Variants in PRLR observed in about 807,000 individuals in gnomAD.
PRLR encodes prolactin receptor, also known as hPRL receptor.
Under a neutral mutation model 40.2 loss-of-function variants are expected in PRLR, and 13 were observed. That is an observed-to-expected ratio of 0.32 (90% CI 0.21 to 0.51). PRLR has a LOEUF of 0.51. Among genes scored for constraint, PRLR ranks in the 20% least tolerant of loss-of-function variants. The pLI is 0.97. For synonymous variants in PRLR, 269 were observed against 278.7 expected, an observed-to-expected ratio of 0.97 and a Z score of 0.35; for missense variants, 656 against 747.3, an observed-to-expected ratio of 0.88 and a Z score of 1.42.
intron 2 of PRLR, among the ~76,000 whole-genome samples, chr5:35,098,858 T>C (rs1041456626): frequency 2.0e-5 from 3 of 152,174 alleles, no homozygotes; most frequent in Non-Finnish European, 4.4e-5. Flanking sequence ...TGAAAGGTAT[T>C]CTAATTCAAC....
At chr5:35,136,195 G>A (rs1773853756) in intron 1 of PRLR, among the ~76,000 whole-genome samples, 1 of 152,150 alleles carries the variant, frequency 6.6e-6, no homozygotes, top group South Asian at 2.1e-4. Context: ...ACAGAATTGT[G>A]CAAGTTTGTG....
chr5:35,150,176 G>A (rs1398393126), intron 1 of PRLR, among the ~76,000 whole-genome samples: 5 of 152,218 alleles, frequency 3.3e-5, no homozygotes, highest in South Asian at 2.1e-4. Flanking sequence ...GAGCCACCAC[G>A]CCCGGCCACT....
In PRLR at chr5:35,130,529, G is replaced by T. The variant is rs138212453; in HGVS notation, c.-105-12407C>A. Among the ~76,000 whole-genome samples, 330 of 152,296 alleles carry T rather than the reference G, an allele frequency of 2.2e-3. 3 individuals are homozygous for T. The highest frequency in any genetic ancestry group is 3.4e-3 in the Non-Finnish European group (233 of 68,020). ...TCTGAAAGGGCAAGCAATGGCCACAGAACTCGAGTTGTGATCTCAATCCTT... is the reference window on the plus strand; with the variant it reads ...TCTGAAAGGGCAAGCAATGGCCACATAACTCGAGTTGTGATCTCAATCCTT... On this transcript the variant is annotated intron_variant, in intron 1 of 9. Transcript: ENST00000618457.
chr5:35,153,910 A>C (rs1319478290), intron 1 of PRLR, among the ~76,000 whole-genome samples: 3 of 152,152 alleles, frequency 2.0e-5, no homozygotes, highest in African/African-American at 7.2e-5. Context: ...AGTTTGCCTT[A>C]TTTGCAGCAA....
At chr5:35,123,611 G>A (rs1336844116) in intron 1 of PRLR, among the ~76,000 whole-genome samples, 2 of 152,174 alleles carry the variant, frequency 1.3e-5, no homozygotes, top group Non-Finnish European at 2.9e-5. Flanking sequence ...AAGGGATTTT[G>A]AGTCAGAAAA....
rs537153793 is a variant in PRLR, at chr5:35,139,619, A to C, written c.-105-21497T>G. Among the ~76,000 whole-genome samples, 199 of 152,364 alleles carry C rather than the reference A, an allele frequency of 1.3e-3. 1 individual carries two copies. The highest frequency in any genetic ancestry group is 2.5e-3 in the Non-Finnish European group (173 of 68,032). On this transcript the variant is annotated intron_variant, in intron 1 of 9. Coordinates refer to ENST00000618457, the MANE Select transcript of PRLR (RefSeq NM_000949.7). ...TGTAAGCACATACTTCAAATATTAA[A>C]AGGAACCAAACTAAAAGGTTAAAGA...
At chr5:35,226,865 G>A (rs1776566590) in intron 1 of PRLR, among the ~76,000 whole-genome samples, 1 of 152,230 alleles carries the variant, frequency 6.6e-6, no homozygotes, top group African/African-American at 2.4e-5. Flanking sequence ...CTGGGATCCT[G>A]TGTGTCTCAT....
chr5:35,070,023 G>T, intron 7 of PRLR, 101 bp downstream of exon 7: 1 of 1,352,300 alleles, frequency 7.4e-7, no homozygotes, highest in Non-Finnish European at 1.0e-6. Flanking sequence ...TATTGTTCTG[G>T]CTAAGGCTCA....
intron 1 of PRLR, among the ~76,000 whole-genome samples, chr5:35,178,843 C>A (rs1941263232): frequency 1.3e-5 from 2 of 152,034 alleles, no homozygotes; most frequent in Non-Finnish European, 2.9e-5. Flanking sequence ...ATAATCCAGT[C>A]CTGGAAATTC....
At chr5:35,170,363 C>T (rs1408877349) in intron 1 of PRLR, among the ~76,000 whole-genome samples, 4 of 152,182 alleles carry the variant, frequency 2.6e-5, no homozygotes, top group Non-Finnish European at 5.9e-5. Flanking sequence ...GCAGAGGACA[C>T]TTCTTCCTAG....
intron 2 of PRLR, among the ~76,000 whole-genome samples, chr5:35,112,462 G>A (rs1160095931): frequency 6.6e-6 from 1 of 152,134 alleles, no homozygotes; most frequent in Non-Finnish European, 1.5e-5. Context: ...AAAGCAAGAG[G>A]AACCGGAAAT....
At chr5:35,169,411 G>C (rs1223674795) in intron 1 of PRLR, among the ~76,000 whole-genome samples, 1 of 152,144 alleles carries the variant, frequency 6.6e-6, no homozygotes, top group East Asian at 1.9e-4. Flanking sequence ...TTCTAACTCT[G>C]GTTTCTGAGA....
intron 1 of PRLR, among the ~76,000 whole-genome samples, chr5:35,159,862 G>A (rs1200405708): frequency 6.6e-6 from 1 of 152,162 alleles, no homozygotes; most frequent in Non-Finnish European, 1.5e-5. Context: ...TTGTCAGAAG[G>A]AATTCTTCTC....
chr5:35,089,722 C>A (rs1043868063), intron 2 of PRLR, 59 bp from the exon 3 acceptor site: 11 of 1,019,746 alleles, frequency 1.1e-5, no homozygotes, highest in Admixed American at 3.7e-5. Flanking sequence ...GGCACATCCA[C>A]CACTTTATTC....
At chr5:35,225,704 C>T (rs549613583) in intron 1 of PRLR, among the ~76,000 whole-genome samples, 120 of 152,240 alleles carry the variant, frequency 7.9e-4, no homozygotes, top group South Asian at 3.1e-3. Context: ...TTGTTTGAGA[C>T]GGAGTCTCAC....
At chr5:35,226,267 G>T (rs1314599438) in intron 1 of PRLR, among the ~76,000 whole-genome samples, 1 of 152,224 alleles carries the variant, frequency 6.6e-6, no homozygotes, top group Non-Finnish European at 1.5e-5. Context: ...CCCACATGCT[G>T]TGTTAGCAAG....
chr5:35,197,468 C>T (rs934897592), intron 1 of PRLR, among the ~76,000 whole-genome samples: 2 of 152,216 alleles, frequency 1.3e-5, no homozygotes, highest in Non-Finnish European at 2.9e-5. Flanking sequence ...GAGTGACCCC[C>T]GATTGGTGCT....
At chr5:35,102,242 A>C (rs1332482514) in intron 2 of PRLR, among the ~76,000 whole-genome samples, 1 of 151,996 alleles carries the variant, frequency 6.6e-6, no homozygotes, top group African/African-American at 2.4e-5. Flanking sequence ...TTATGGTGTG[A>C]TATGGTGGAT....
At chr5:35,114,525 T>C (rs529738999) in intron 2 of PRLR, among the ~76,000 whole-genome samples, 1 of 152,334 alleles carries the variant, frequency 6.6e-6, no homozygotes, top group African/African-American at 2.4e-5. Context: ...CAGATTTTTC[T>C]GAGTGGAGGC....
Sources: allele counts gnomAD v4.1 joint callset (sites outside exome capture counted in the v4.1 genomes callset), GRCh38; gene constraint gnomAD v4.1.1; transcripts MANE v1.5; gene names NCBI Gene and HGNC (gene_info 2026-07-23, HGNC 2026-07-21).